AARS1: variants seen among roughly 807,000 people sequenced by gnomAD.
The protein encoded by AARS1 is alanyl-tRNA synthetase 1.
In AARS1, 72 loss-of-function variants were observed where a neutral mutation model predicts 108.9. That is an observed-to-expected ratio of 0.66 (90% CI 0.55 to 0.80). The LOEUF is 0.80. Ranked by LOEUF, AARS1 falls within the 30% of genes least tolerant of loss-of-function variation. The probability of loss-of-function intolerance (pLI) is 0.00; values close to 1 mark genes in which losing one functional copy is unlikely to be tolerated. For synonymous variants in AARS1, 489 were observed against 465.7 expected, an observed-to-expected ratio of 1.05 and a Z score of -0.64; for missense variants, 1,193 against 1,233.2, an observed-to-expected ratio of 0.97 and a Z score of 0.49.
chr16:70,260,515 C>A (rs1262670545), intron 13 of AARS1, among the ~76,000 whole-genome samples: 1 of 152,208 alleles, frequency 6.6e-6, no homozygotes, highest in East Asian at 1.9e-4. Flanking sequence ...TCCGTGAAAA[C>A]AAGTCCACGG....
intron 9 of AARS1, 86 bp downstream of exon 9, chr16:70,267,573 G>C: frequency 1.3e-6 from 2 of 1,522,178 alleles, no homozygotes; most frequent in Non-Finnish European, 9.1e-7. Context: ...AGACATGAGA[G>C]CCCACAGTCA....
intron 1 of AARS1, among the ~76,000 whole-genome samples, chr16:70,285,591 G>A (rs542589807): frequency 2.6e-5 from 4 of 152,278 alleles, no homozygotes; most frequent in African/African-American, 7.2e-5. Flanking sequence ...CTGGATTACA[G>A]GTAAGTGCCA....
At position 70,269,634 on chromosome 16, in the gene AARS1, CA is replaced by C; in HGVS notation, c.945del (p.Asp316ThrfsTer9). ...ITVALADGGR[P>X]DNTGRGYVLR... ...CATACTTACCCACGCCCTGTGTTGT[CA>C]GGCCGGCCACCATCAGCCAGTGCCA... is the stretch of plus-strand genomic sequence containing the variant. On this transcript the variant is annotated frameshift_variant, in exon 7 of 21. Transcript: ENST00000261772. LOFTEE classifies it high-confidence loss of function. The C allele has an allele frequency of 6.2e-7, 1 of 1,614,148 alleles. No individual in the cohort carries two copies. Among genetic ancestry groups the C allele is most frequent in the Non-Finnish European group, 8.5e-7 (1 of 1,180,056 alleles).
chr16:70,273,931 G>GGAGGCT (rs1426802213), intron 4 of AARS1, among the ~76,000 whole-genome samples: 1 of 151,170 alleles, frequency 6.6e-6, no homozygotes, highest in Non-Finnish European at 1.5e-5. Context: ...TAGTTACTCG[G>GGAGGCT]GAGGCTGAGG....
At position 70,252,796 on chromosome 16, in the gene AARS1, G is replaced by T. The variant is rs771037626; in HGVS notation, c.2832C>A (p.Asn944Lys). ...KDVSAQATGK[N>K]VGCLQEALQL... is the part of the protein sequence containing the mutation. ...GCAGCGCCTCCTGCAGGCAGCCAAC[G>T]TTCTTGCCTGTGGCCTGTGCAGACA... Residue 944 changes from asparagine (N) to lysine (K), a missense_variant, in exon 21 of 21, where the codon AAC becomes AAA. Asn to Lys is a moderately conservative substitution (Grantham distance 94, BLOSUM62 0). Coordinates refer to ENST00000261772, the MANE Select transcript of AARS1 (RefSeq NM_001605.3). 7 of 1,614,070 alleles carry T rather than the reference G, an allele frequency of 4.3e-6. No homozygotes were observed. In the South Asian group the frequency reaches 4.4e-5, roughly 10 times the overall value.
chr16:70,273,338 C>T (rs985984125), intron 4 of AARS1, among the ~76,000 whole-genome samples: 1 of 152,168 alleles, frequency 6.6e-6, no homozygotes, highest in Non-Finnish European at 1.5e-5. Context: ...TTCACAAATT[C>T]GACCAAGTTC....
chr16:70,254,943 A>G (rs1039146077), intron 16 of AARS1, among the ~76,000 whole-genome samples: 1 of 152,094 alleles, frequency 6.6e-6, no homozygotes, highest in African/African-American at 2.4e-5. Context: ...GCTGCACCCA[A>G]CTCAGACTCA....
chr16:70,255,927 G>T, intron 15 of AARS1, 91 bp from the exon 16 acceptor site: 3 of 1,222,626 alleles, frequency 2.5e-6, no homozygotes, highest in Non-Finnish European at 3.5e-6. Flanking sequence ...AGCAGGAATG[G>T]GTTGACAGTC....
chr16:70,262,980 A>C (rs1456603183), intron 11 of AARS1, among the ~76,000 whole-genome samples: 2 of 144,746 alleles, frequency 1.4e-5, no homozygotes, highest in East Asian at 4.0e-4. Context: ...AAAAAAAAAA[A>C]AAAAAAAAAA....
intron 10 of AARS1, 61 bp downstream of exon 10, chr16:70,265,477 C>A: frequency 6.2e-7 from 1 of 1,610,658 alleles, no homozygotes; most frequent in Non-Finnish European, 8.5e-7. Context: ...GCTCAGTCTG[C>A]AGCCAAGTGG....
intron 1 of AARS1, among the ~76,000 whole-genome samples, 164 bp from the exon 2 acceptor site, chr16:70,282,948 C>T (rs1960740219): frequency 6.6e-6 from 1 of 152,174 alleles, no homozygotes; most frequent in African/African-American, 2.4e-5. Context: ...ATCATCATCA[C>T]CAGCAGACAG....
In AARS1 at chr16:70,261,167, G is replaced by A. The variant is rs1245852151; in HGVS notation, c.1672-10C>T. 26 of 1,593,068 alleles carry A rather than the reference G, an allele frequency of 1.6e-5. No homozygotes were observed. Among genetic ancestry groups the A allele is most frequent in the Non-Finnish European group, 2.0e-5 (23 of 1,161,290 alleles). ...CTGTAAACTCTGTTTTCTAAGAGGGGTCAAGGAAGAGACCAATAAATAAAT... is the reference window on the plus strand; with the variant it reads ...CTGTAAACTCTGTTTTCTAAGAGGGATCAAGGAAGAGACCAATAAATAAAT... On this transcript the variant is annotated splice_polypyrimidine_tract_variant and intron_variant, in intron 12 of 20. Transcript: ENST00000261772.
intron 15 of AARS1, 71 bp from the exon 16 acceptor site, chr16:70,255,907 G>C: frequency 7.1e-7 from 1 of 1,402,536 alleles, no homozygotes; most frequent in Non-Finnish European, 9.9e-7. Context: ...TCACACTAGC[G>C]GACAAGAGAA....
rs1048707597 is a variant in AARS1, at chr16:70,267,936, G to A, written c.1072-127C>T. 10 of 1,350,910 alleles carry A rather than the reference G, an allele frequency of 7.4e-6. No individual in the cohort carries two copies. The African/African-American group carries it at 1.3e-4, about 18-fold the overall frequency. The allele number at this position is 1,350,910 out of a possible 1,614,324, so 83.7% of individuals were successfully genotyped here. A position where few individuals can be genotyped will look rare whatever the true frequency, so the allele number is the denominator to read the frequency against. On this transcript the variant is annotated intron_variant, in intron 8 of 20. Coordinates refer to ENST00000261772, the MANE Select transcript of AARS1 (RefSeq NM_001605.3). ...TAATCCTACCACTTTGGGAAGCCGA[G>A]GCAGGTGGATTGCCTGAGCTCAGGA...
At chr16:70,275,184 C>T (rs938393187) in intron 4 of AARS1, among the ~76,000 whole-genome samples, 1 of 151,876 alleles carries the variant, frequency 6.6e-6, no homozygotes, top group Non-Finnish European at 1.5e-5. Context: ...CGCCTTAACC[C>T]GGGAGGCAGA....
rs757295540 is a variant in AARS1, at chr16:70,253,728, C to T, written c.2593G>A (p.Gly865Ser). The change falls in exon 19 of 21, where the codon GGC becomes AGC. Residue 865 changes from glycine (G) to serine (S), a missense_variant. By Grantham distance (56) the Gly-to-Ser change is moderately conservative (BLOSUM62 0). Transcript: ENST00000261772. ...CCCTGGGTTGCCTTGGCTGAGGCGC[C>T]GCTCTCCATCTCCAGGATGACAAGA... ...QPLVILEMES[G>S]ASAKALNEAL... The T allele has an allele frequency of 2.4e-5, 39 of 1,613,976 alleles. No homozygotes were observed. The highest frequency in any genetic ancestry group is 3.3e-4 in the Middle Eastern group (2 of 6,042).
At chr16:70,280,413 T>G (rs1057010980) in intron 2 of AARS1, among the ~76,000 whole-genome samples, 3 of 152,144 alleles carry the variant, frequency 2.0e-5, no homozygotes, top group Admixed American at 6.6e-5. Context: ...CAGGATCAAG[T>G]GATCCTCCCG....
At chr16:70,262,848 G>A (rs889468542) in intron 11 of AARS1, among the ~76,000 whole-genome samples, 2 of 150,944 alleles carry the variant, frequency 1.3e-5, no homozygotes, top group Non-Finnish European at 3.0e-5. Context: ...GGCACCTGTA[G>A]TCCCAGCTAC....
At chr16:70,262,991 A>AAAAAC (rs1960177197) in intron 11 of AARS1, among the ~76,000 whole-genome samples, 1 of 145,444 alleles carries the variant, frequency 6.9e-6, no homozygotes, top group East Asian at 2.0e-4. Flanking sequence ...AAAAAAAAAA[A>AAAAAC]AAAAAAACAA....
Sources: gnomAD v4.1 joint callset for allele counts (sites outside exome capture counted in the v4.1 genomes callset) on GRCh38, gnomAD v4.1.1 for gene constraint, MANE v1.5 for transcripts, NCBI Gene and HGNC (gene_info 2026-07-23, HGNC 2026-07-21) for gene names.